Variants in THSD7B observed in about 807,000 individuals in gnomAD.
THSD7B encodes the protein thrombospondin type 1 domain containing 7B.
Under a neutral mutation model 213.6 loss-of-function variants are expected in THSD7B, and 138 were observed. The ratio of observed to expected loss-of-function variants is 0.65; its 90% CI spans 0.56 to 0.74. THSD7B has a LOEUF of 0.74. Among genes scored for constraint, THSD7B ranks in the 30% least tolerant of loss-of-function variants. The probability of loss-of-function intolerance (pLI) is 0.00; values close to 1 mark genes in which losing one functional copy is unlikely to be tolerated. For missense variants in THSD7B, 1,931 were observed against 1,991.5 expected (o/e 0.97, Z 0.58); for synonymous variants, 742 against 687.0 (o/e 1.08, Z -1.25).
chr2:137,058,081 T>A (rs555748757), intron 3 of THSD7B, among the ~76,000 whole-genome samples: 1 of 152,344 alleles, frequency 6.6e-6, no homozygotes, highest in African/African-American at 2.4e-5. Context: ...ATCATTCTCA[T>A]CAGTTGCTGC....
chr2:137,582,309 C>G (rs893775160), intron 17 of THSD7B, among the ~76,000 whole-genome samples: 2 of 151,874 alleles, frequency 1.3e-5, no homozygotes, highest in Non-Finnish European at 2.9e-5. Context: ...ATTCTTTAAA[C>G]TAGTTTTGTT....
chr2:137,599,304 T>C (rs1370206416), intron 17 of THSD7B, among the ~76,000 whole-genome samples: 3 of 152,002 alleles, frequency 2.0e-5, no homozygotes, highest in Admixed American at 6.6e-5. Flanking sequence ...TTGGGTTGGT[T>C]CCAAGTCTTT....
At chr2:137,364,528 T>C (rs111442336) in intron 12 of THSD7B, among the ~76,000 whole-genome samples, 5,694 of 152,236 alleles carry the variant, frequency 0.037, 370 homozygotes, top group African/African-American at 0.13. Flanking sequence ...CTTAAGCTGA[T>C]AAGCAAGTTC....
At chr2:137,606,000 C>T (rs1406806865) in intron 17 of THSD7B, among the ~76,000 whole-genome samples, 1 of 151,742 alleles carries the variant, frequency 6.6e-6, no homozygotes, top group African/African-American at 2.4e-5. Flanking sequence ...GACGGGGTTT[C>T]ATCATGTTAG....
At chr2:137,470,713 A>G (rs1242237412) in intron 15 of THSD7B, among the ~76,000 whole-genome samples, 2 of 152,056 alleles carry the variant, frequency 1.3e-5, no homozygotes, top group Non-Finnish European at 2.9e-5. Flanking sequence ...CAATTTTTAA[A>G]ATTAGTTGTC....
chr2:136,968,798 T>C (rs571091801), intron 2 of THSD7B, among the ~76,000 whole-genome samples: 1 of 152,136 alleles, frequency 6.6e-6, no homozygotes, highest in Non-Finnish European at 1.5e-5. Context: ...GCCTTTAAAC[T>C]TTTTTGGTTT....
intron 2 of THSD7B, among the ~76,000 whole-genome samples, chr2:137,005,565 C>T (rs1430670915): frequency 6.6e-6 from 1 of 152,168 alleles, no homozygotes; most frequent in Non-Finnish European, 1.5e-5. Flanking sequence ...TAATTGTATA[C>T]CTGTATTGTT....
intron 3 of THSD7B, among the ~76,000 whole-genome samples, chr2:137,089,769 G>T (rs1687916165): frequency 6.6e-6 from 1 of 152,106 alleles, no homozygotes; most frequent in African/African-American, 2.4e-5. Context: ...AGAACTTTAG[G>T]AGTCCAAAGA....
chr2:137,288,460 A>C (rs1460351581), intron 12 of THSD7B, among the ~76,000 whole-genome samples: 1 of 152,106 alleles, frequency 6.6e-6, no homozygotes, highest in East Asian at 1.9e-4. Context: ...GAAAATGGGA[A>C]AGCAGGGGGT....
chr2:137,146,588 A>G (rs71419518), intron 5 of THSD7B, among the ~76,000 whole-genome samples: 7,090 of 152,216 alleles, frequency 0.047, 205 homozygotes, highest in Admixed American at 0.07. Flanking sequence ...TAGTACATCA[A>G]TTGTTCAATA....
chr2:137,554,548 A>C (rs1284006565), intron 15 of THSD7B, among the ~76,000 whole-genome samples: 1 of 152,198 alleles, frequency 6.6e-6, no homozygotes, highest in African/African-American at 2.4e-5. Flanking sequence ...TAAAGTCATG[A>C]AAGGCTAAAA....
At chr2:137,374,262 T>C (rs1685601656) in intron 12 of THSD7B, among the ~76,000 whole-genome samples, 1 of 152,194 alleles carries the variant, frequency 6.6e-6, no homozygotes, top group Non-Finnish European at 1.5e-5. Flanking sequence ...TTAACTCCAC[T>C]TTTATTCTGT....
At chr2:137,051,044 C>G (rs541417749) in intron 2 of THSD7B, among the ~76,000 whole-genome samples, 24 of 152,282 alleles carry the variant, frequency 1.6e-4, no homozygotes, top group African/African-American at 5.8e-4. Flanking sequence ...CTCATCCCTT[C>G]CTGTTTCCAT....
intron 15 of THSD7B, among the ~76,000 whole-genome samples, chr2:137,544,111 A>G (rs1264449979): frequency 6.6e-6 from 1 of 151,730 alleles, no homozygotes; most frequent in Non-Finnish European, 1.5e-5. Context: ...TTCTACTTCT[A>G]GGTATATAAC....
chr2:137,132,302 G>A (rs1688750173), intron 5 of THSD7B, among the ~76,000 whole-genome samples: 2 of 151,162 alleles, frequency 1.3e-5, no homozygotes, highest in Admixed American at 6.6e-5. Context: ...GGGTTTTCTA[G>A]ATATACAATC....
chr2:136,778,679 G>T (rs1681658220), intron 1 of THSD7B, among the ~76,000 whole-genome samples: 3 of 152,112 alleles, frequency 2.0e-5, no homozygotes. Flanking sequence ...CACACAGTAG[G>T]TTTATTCCAT....
At chr2:136,953,725 C>A (rs952855275) in intron 2 of THSD7B, among the ~76,000 whole-genome samples, 57 of 152,144 alleles carry the variant, frequency 3.7e-4, no homozygotes, top group Non-Finnish European at 7.3e-5. Context: ...CATGTAAACC[C>A]AAAGCCTGCA....
At chr2:137,050,123 A>T (rs1408711127) in intron 2 of THSD7B, among the ~76,000 whole-genome samples, 1 of 152,152 alleles carries the variant, frequency 6.6e-6, no homozygotes, top group Non-Finnish European at 1.5e-5. Context: ...CCACTCCTAC[A>T]TTCTAGGAGG....
Position 136,956,260 on chromosome 2 carries a change from CA to C in THSD7B, c.139+73947del, listed in dbSNP as rs539991519. Reference sequence around the variant, plus strand: ...TGACTGATTTTTAACTATGTGTCAGCAAAATAAATTATTTAGCAGCCTACAG... The same window carrying C: ...TGACTGATTTTTAACTATGTGTCAGCAAATAAATTATTTAGCAGCCTACAG... On this transcript the variant is annotated intron_variant, in intron 2 of 27. Transcript: ENST00000409968. Among the ~76,000 whole-genome samples the C allele has an allele frequency of 3.9e-3, 589 of 152,166 alleles. 3 individuals are homozygous for C. The highest frequency in any genetic ancestry group is 7.1e-3 in the Non-Finnish European group (480 of 67,990).
Sources: gnomAD v4.1 joint callset for allele counts (sites outside exome capture counted in the v4.1 genomes callset) on GRCh38, gnomAD v4.1.1 for gene constraint, MANE v1.5 for transcripts, NCBI Gene and HGNC (gene_info 2026-07-23, HGNC 2026-07-21) for gene names.